Variants in TRIM14 observed in about 807,000 individuals in gnomAD.
TRIM14 encodes the protein tripartite motif containing 14.
Under a neutral mutation model 44.5 loss-of-function variants are expected in TRIM14, and 28 were observed. That is an observed-to-expected ratio of 0.63 (90% CI 0.47 to 0.86). The LOEUF is 0.86. Among genes scored for constraint, TRIM14 ranks in the 40% least tolerant of loss-of-function variants. The pLI, the probability that TRIM14 is intolerant of heterozygous loss-of-function variation, is 0.00. For synonymous variants in TRIM14, 299 were observed against 269.2 expected, an observed-to-expected ratio of 1.11 and a Z score of -1.08; for missense variants, 607 against 611.1, an observed-to-expected ratio of 0.99 and a Z score of 0.07.
At position 98,085,887 on chromosome 9, in the gene TRIM14, A is replaced by G. The variant is rs888825789; in HGVS notation, c.*1583T>C. On this transcript the variant is annotated 3_prime_UTR_variant, in exon 6 of 6. Coordinates refer to ENST00000341469, the MANE Select transcript of TRIM14 (RefSeq NM_014788.4). ...GATTCGGCGACCTTGGCCTCCCACC[A>G]AGCACCTATGAAGATGCTTTAACAG... The G allele has an allele frequency of 2.0e-5, 3 of 152,188 alleles. No homozygotes were observed. The highest frequency in any genetic ancestry group is 4.4e-5 in the Non-Finnish European group (3 of 68,042). The allele number at this position is 152,188 out of a possible 1,614,324, so 9.4% of individuals were successfully genotyped here.
chr9:98,106,929 C>T (rs759876942), intron 2 of TRIM14, among the ~76,000 whole-genome samples: 5 of 151,196 alleles, frequency 3.3e-5, no homozygotes, highest in South Asian at 2.1e-4. Context: ...TGAGCTCAAG[C>T]GATCCTCCCA....
the TRIM14 span, among the ~76,000 whole-genome samples, chr9:98,048,447 T>A: frequency 6.6e-6 from 1 of 152,176 alleles, no homozygotes; most frequent in Non-Finnish European, 1.5e-5. Context: ...CATCTGTCTG[T>A]CTGTGTAGTT....
chr9:98,118,159 T>C (rs1327455348), intron 1 of TRIM14, among the ~76,000 whole-genome samples: 6 of 152,106 alleles, frequency 3.9e-5, no homozygotes, highest in African/African-American at 1.2e-4. Context: ...CATGAGGGCC[T>C]ACCTCACCCA....
the TRIM14 span, chr9:98,060,810 A>C: frequency 6.2e-7 from 1 of 1,614,186 alleles, no homozygotes; most frequent in Non-Finnish European, 8.5e-7. Context: ...GCTAAGTTCC[A>C]GAAGAGTGAG....
chr9:98,068,648 A>AT (rs962110883), downstream of TRIM14, among the ~76,000 whole-genome samples: 3 of 144,964 alleles, frequency 2.1e-5, no homozygotes, highest in Non-Finnish European at 3.0e-5. Flanking sequence ...GACCCCATCT[A>AT]TTAAAAAAAA....
chr9:98,038,647 C>T, the TRIM14 span, among the ~76,000 whole-genome samples: 3 of 152,128 alleles, frequency 2.0e-5, no homozygotes, highest in African/African-American at 7.2e-5. Flanking sequence ...TACAAAACTG[C>T]AATAGCTTTC....
At chr9:98,091,449 A>ACC (rs1357857293) in intron 5 of TRIM14, among the ~76,000 whole-genome samples, 12 of 152,202 alleles carry the variant, frequency 7.9e-5, no homozygotes, top group African/African-American at 2.9e-4. Flanking sequence ...GGTCACACAC[A>ACC]CACACACACA....
intron 1 of TRIM14, chr9:98,115,866 C>T (rs958672309): frequency 2.0e-5 from 3 of 151,934 alleles, no homozygotes; most frequent in Non-Finnish European, 2.9e-5. Flanking sequence ...TTACAGAGCC[C>T]ATAAGAAGAC....
chr9:98,069,784 G>A (rs991978247), intron 6 of TRIM14: 1 of 152,322 alleles, frequency 6.6e-6, no homozygotes, highest in Non-Finnish European at 1.5e-5. Flanking sequence ...TGACATGAAA[G>A]ATCCTTGTAG....
rs1825825394 is a variant in TRIM14, at chr9:98,087,551, G to A, written c.1248C>T (p.Thr416=). The A allele has an allele frequency of 6.3e-7, 1 of 1,596,578 alleles. No individual in the cohort carries two copies. The highest frequency in any genetic ancestry group is 1.1e-5 in the South Asian group (1 of 89,684). The change falls in exon 6 of 6, where the codon ACC becomes ACT. Residue 416 remains threonine, a synonymous_variant. Transcript: ENST00000341469. ...GCGGCTCCTGGAACGTGGCGCGGAAGGTATGCAGGTGGCTCATGCCGCCCG... is the reference window on the plus strand; with the variant it reads ...GCGGCTCCTGGAACGTGGCGCGGAAAGTATGCAGGTGGCTCATGCCGCCCG... ...DVTGGMSHLH[T]FRATFQEPLY...
intron 1 of TRIM14, among the ~76,000 whole-genome samples, chr9:98,116,640 C>T (rs1827062519): frequency 6.6e-6 from 1 of 151,808 alleles, no homozygotes. Flanking sequence ...AATTCTAGAC[C>T]AGCCTGGACA....
At chr9:98,083,586 G>C (rs542268074), downstream of TRIM14, among the ~76,000 whole-genome samples, 4 of 152,214 alleles carry the variant, frequency 2.6e-5, no homozygotes, top group Non-Finnish European at 5.9e-5. Flanking sequence ...GCAAAGAGAG[G>C]GAAATGGCAT....
At chr9:98,069,268 T>C (rs1423559984), downstream of TRIM14, 1 of 149,468 alleles carries the variant, frequency 6.7e-6, no homozygotes, top group African/African-American at 2.4e-5. Flanking sequence ...TCAAAAGGAA[T>C]GAACTATTTT....
the TRIM14 span, among the ~76,000 whole-genome samples, chr9:98,054,649 C>G: frequency 6.6e-6 from 1 of 152,144 alleles, no homozygotes; most frequent in Non-Finnish European, 1.5e-5. Flanking sequence ...GATATCTCCC[C>G]AGGACAATTT....
chr9:98,061,793 TTAA>T, the TRIM14 span, among the ~76,000 whole-genome samples: 40 of 146,430 alleles, frequency 2.7e-4, no homozygotes, highest in South Asian at 6.5e-4. Flanking sequence ...AAAAAAAAAA[TTAA>T]TAATAATAAT....
chr9:98,057,456 T>C, the TRIM14 span, among the ~76,000 whole-genome samples: 1 of 152,218 alleles, frequency 6.6e-6, no homozygotes, highest in Non-Finnish European at 1.5e-5. Context: ...AAGCCGGGCC[T>C]TTGAGTTCAA....
intron 4 of TRIM14, among the ~76,000 whole-genome samples, chr9:98,094,449 GGA>G (rs1012157045): frequency 3.3e-5 from 5 of 152,180 alleles, no homozygotes; most frequent in Non-Finnish European, 7.4e-5. Context: ...GATGGCTAAA[GGA>G]GAGAGTGAGT....
At chr9:98,079,601 T>C (rs1168449198), downstream of TRIM14, among the ~76,000 whole-genome samples, 2 of 152,220 alleles carry the variant, frequency 1.3e-5, no homozygotes, top group Admixed American at 1.3e-4. Flanking sequence ...TTAAAAATGA[T>C]TTCTGTGAAA....
At chr9:98,043,389 A>G in the TRIM14 span, among the ~76,000 whole-genome samples, 67 of 151,558 alleles carry the variant, frequency 4.4e-4, no homozygotes, top group African/African-American at 1.6e-3. Flanking sequence ...CTGGTCTGGA[A>G]CTCCTGACCT....
Sources: gnomAD v4.1 joint callset for allele counts (sites outside exome capture counted in the v4.1 genomes callset) on GRCh38, gnomAD v4.1.1 for gene constraint, MANE v1.5 for transcripts, NCBI Gene and HGNC (gene_info 2026-07-23, HGNC 2026-07-21) for gene names.